Variants in TANC1 observed in about 807,000 individuals in gnomAD.
The protein encoded by TANC1 is tetratricopeptide repeat, ankyrin repeat and coiled-coil containing 1.
A neutral mutation model predicts 149.7 loss-of-function variants in TANC1; 77 were observed. The observed-to-expected ratio is 0.51, with a 90% CI of 0.43 to 0.62. The LOEUF (loss-of-function observed/expected upper bound fraction) is 0.62, where lower values mean the gene tolerates loss of function less well. Ranked by LOEUF, TANC1 falls within the 20% of genes least tolerant of loss-of-function variation. TANC1 has a pLI of 0.00. For synonymous variants in TANC1, 854 were observed against 925.0 expected (o/e 0.92, Z 1.39); for missense variants, 1,985 against 2,321.8 (o/e 0.85, Z 2.98).
intron 22 of TANC1, among the ~76,000 whole-genome samples, chr2:159,221,130 C>T (rs2059683505): frequency 6.6e-6 from 1 of 152,164 alleles, no homozygotes; most frequent in Non-Finnish European, 1.5e-5. Context: ...ATGGGCAGAT[C>T]ACTTGAGGTC....
chr2:159,110,648 A>G (rs1263887062), intron 4 of TANC1, among the ~76,000 whole-genome samples: 1 of 152,204 alleles, frequency 6.6e-6, no homozygotes, highest in East Asian at 1.9e-4. Flanking sequence ...AGCCTGAACT[A>G]AGACATAGGA....
At chr2:159,039,563 A>G (rs1036325120) in intron 2 of TANC1, among the ~76,000 whole-genome samples, 10 of 152,026 alleles carry the variant, frequency 6.6e-5, no homozygotes, top group African/African-American at 2.2e-4. Context: ...CTTTGTTCTC[A>G]TTGGTTTCAA....
chr2:159,069,077 A>G (rs999178978), intron 3 of TANC1, among the ~76,000 whole-genome samples: 2 of 152,212 alleles, frequency 1.3e-5, no homozygotes, highest in Non-Finnish European at 2.9e-5. Flanking sequence ...AACTTAAACT[A>G]TTGAAAATCA....
chr2:159,007,320 A>G (rs1472942054), intron 2 of TANC1, among the ~76,000 whole-genome samples: 1 of 152,008 alleles, frequency 6.6e-6, no homozygotes, highest in Admixed American at 6.6e-5. Context: ...CTAATTTTGT[A>G]TCTTTAATAG....
At chr2:159,149,010 T>G (rs2052467694) in intron 5 of TANC1, 132 bp from the exon 6 acceptor site, 2 of 1,047,266 alleles carry the variant, frequency 1.9e-6, no homozygotes, top group Non-Finnish European at 2.8e-6. Context: ...CAGGGTGCGT[T>G]GTCCAACTTT....
intron 3 of TANC1, among the ~76,000 whole-genome samples, chr2:159,084,032 A>T (rs981322156): frequency 2.6e-5 from 4 of 152,328 alleles, no homozygotes; most frequent in Admixed American, 6.5e-5. Context: ...CGGGCGGATC[A>T]TGAGGTCAGG....
chr2:159,158,122 G>A (rs966164680), intron 7 of TANC1, among the ~76,000 whole-genome samples: 8 of 152,178 alleles, frequency 5.3e-5, no homozygotes, highest in Non-Finnish European at 1.0e-4. Context: ...ATGTGAGGCT[G>A]AGGTGGGAGG....
At chr2:159,100,061 A>T (rs902209789) in intron 4 of TANC1, among the ~76,000 whole-genome samples, 1 of 152,204 alleles carries the variant, frequency 6.6e-6, no homozygotes, top group African/African-American at 2.4e-5. Flanking sequence ...TATAATAGAT[A>T]ATAGAGATAA....
intron 3 of TANC1, among the ~76,000 whole-genome samples, chr2:159,089,748 C>T (rs1042918950): frequency 2.6e-5 from 4 of 152,230 alleles, no homozygotes; most frequent in Admixed American, 6.5e-5. Flanking sequence ...CCATCAATGA[C>T]AGGACTGTGG....
At chr2:159,053,665 A>G (rs906401610) in intron 2 of TANC1, among the ~76,000 whole-genome samples, 9 of 152,230 alleles carry the variant, frequency 5.9e-5, no homozygotes, top group Admixed American at 5.2e-4. Context: ...GCTTTATACA[A>G]TTTATTCACA....
chr2:159,129,509 A>G (rs1227332113), intron 4 of TANC1, among the ~76,000 whole-genome samples: 1 of 152,002 alleles, frequency 6.6e-6, no homozygotes, highest in Non-Finnish European at 1.5e-5. Flanking sequence ...ATCCTTCCAG[A>G]CTGACACAGG....
chr2:159,120,185 G>A (rs935645768), intron 4 of TANC1, among the ~76,000 whole-genome samples: 1 of 152,128 alleles, frequency 6.6e-6, no homozygotes, highest in African/African-American at 2.4e-5. Flanking sequence ...ACATGGACAA[G>A]GACGTAGGTG....
At chr2:159,135,317 G>T (rs1325028309) in intron 4 of TANC1, among the ~76,000 whole-genome samples, 1 of 152,252 alleles carries the variant, frequency 6.6e-6, no homozygotes, top group Non-Finnish European at 1.5e-5. Context: ...TGTGGGCAAA[G>T]AACATTTTGT....
intron 7 of TANC1, among the ~76,000 whole-genome samples, chr2:159,159,129 G>T (rs537738111): frequency 6.6e-6 from 1 of 152,138 alleles, no homozygotes; most frequent in Non-Finnish European, 1.5e-5. Context: ...TTTTTCTTTT[G>T]CTGATTCTAT....
intron 19 of TANC1, among the ~76,000 whole-genome samples, chr2:159,199,480 G>T (rs1434330556): frequency 6.6e-6 from 1 of 152,190 alleles, no homozygotes; most frequent in Non-Finnish European, 1.5e-5. Context: ...GGCCTGCCCT[G>T]CCCTGTACAG....
intron 3 of TANC1, among the ~76,000 whole-genome samples, chr2:159,072,893 C>A (rs2043283322): frequency 6.6e-6 from 1 of 152,186 alleles, no homozygotes; most frequent in Non-Finnish European, 1.5e-5. Flanking sequence ...CTGGCATCTC[C>A]TCTGGATACT....
intron 3 of TANC1, 148 bp downstream of exon 3, chr2:159,066,119 T>G (rs1002203630): frequency 1.1e-5 from 8 of 701,906 alleles, no homozygotes; most frequent in Non-Finnish European, 2.1e-5. Flanking sequence ...CTATGAGAAA[T>G]GAAATAGGCC....
intron 3 of TANC1, among the ~76,000 whole-genome samples, chr2:159,074,894 A>G (rs1288416986): frequency 6.6e-6 from 1 of 152,016 alleles, no homozygotes; most frequent in Non-Finnish European, 1.5e-5. Context: ...CAGGGATAGC[A>G]AGTTTTCTGG....
At chr2:158,996,986 A>G (rs1274302338) in intron 1 of TANC1, among the ~76,000 whole-genome samples, 1 of 152,066 alleles carries the variant, frequency 6.6e-6, no homozygotes, top group African/African-American at 2.4e-5. Flanking sequence ...TGTGGCAAAA[A>G]AAAAAAAAAA....
Sources: gnomAD v4.1 joint callset for allele counts (sites outside exome capture counted in the v4.1 genomes callset) on GRCh38, gnomAD v4.1.1 for gene constraint, MANE v1.5 for transcripts, NCBI Gene and HGNC (gene_info 2026-07-23, HGNC 2026-07-21) for gene names.